The following PDE8A variants were observed in gnomAD, a reference collection of about 807,000 sequenced individuals.
PDE8A encodes the protein high affinity cAMP-specific and IBMX-insensitive 3',5'-cyclic phosphodiesterase 8A.
In PDE8A, 59 loss-of-function variants were observed where a neutral mutation model predicts 105.0. The ratio of observed to expected loss-of-function variants is 0.56; its 90% CI spans 0.46 to 0.70. The LOEUF is 0.70. Ranked by LOEUF, PDE8A falls within the 30% of genes least tolerant of loss-of-function variation. PDE8A has a pLI of 0.00. For missense variants in PDE8A, 1,014 were observed against 1,045.9 expected (o/e 0.97, Z 0.42); for synonymous variants, 355 against 371.9 (o/e 0.95, Z 0.52).
intron 3 of PDE8A, among the ~76,000 whole-genome samples, chr15:85,069,819 G>C (rs2081285413): frequency 6.6e-6 from 1 of 152,192 alleles, no homozygotes; most frequent in Admixed American, 6.5e-5. Flanking sequence ...CTCACAAGCT[G>C]TTTTCTACCA....
chr15:84,981,382 C>G (rs942037392), upstream of PDE8A, among the ~76,000 whole-genome samples: 6 of 151,560 alleles, frequency 4.0e-5, no homozygotes, highest in Non-Finnish European at 8.8e-5. Context: ...CGGCCCGGAT[C>G]ACGGAGCCGG....
At chr15:85,045,076 G>C (rs2080866377) in intron 1 of PDE8A, among the ~76,000 whole-genome samples, 1 of 152,044 alleles carries the variant, frequency 6.6e-6, no homozygotes. Flanking sequence ...CTGTTCCTCT[G>C]CCTGGTACTC....
intron 5 of PDE8A, among the ~76,000 whole-genome samples, chr15:85,077,365 A>G (rs2081394358): frequency 6.6e-6 from 1 of 152,246 alleles, no homozygotes; most frequent in Admixed American, 6.5e-5. Context: ...ATGAGGCCTT[A>G]GGAATCATAC....
chr15:85,052,068 C>T (rs1044294138), intron 1 of PDE8A, among the ~76,000 whole-genome samples: 2 of 151,744 alleles, frequency 1.3e-5, no homozygotes, highest in African/African-American at 2.4e-5. Flanking sequence ...TGAGAACATG[C>T]AGTGTTTGGT....
chr15:85,089,788 A>G (rs1005987461), intron 7 of PDE8A, among the ~76,000 whole-genome samples: 2 of 152,186 alleles, frequency 1.3e-5, no homozygotes, highest in Non-Finnish European at 2.9e-5. Flanking sequence ...CAAGTCTTTC[A>G]CCTTTCTCAC....
intron 1 of PDE8A, among the ~76,000 whole-genome samples, chr15:85,035,463 G>GC (rs1000827268): frequency 1.3e-5 from 2 of 151,998 alleles, no homozygotes; most frequent in African/African-American, 4.8e-5. Context: ...GCCCACCTCG[G>GC]CCTCCCTAAG....
At chr15:85,113,282 C>T in intron 12 of PDE8A, 95 bp from the exon 13 acceptor site, 1 of 1,001,832 alleles carries the variant, frequency 1.0e-6, no homozygotes, top group Non-Finnish European at 1.6e-6. Flanking sequence ...CTATCCTGCC[C>T]CTTCATCATG....
At chr15:85,088,619 A>T (rs2081591734) in intron 6 of PDE8A, among the ~76,000 whole-genome samples, 1 of 152,242 alleles carries the variant, frequency 6.6e-6, no homozygotes, top group Non-Finnish European at 1.5e-5. Flanking sequence ...TTTCCCAAAA[A>T]GGGGCTGCAC....
At chr15:85,008,203 C>G (rs1279316099) in intron 1 of PDE8A, among the ~76,000 whole-genome samples, 1 of 151,816 alleles carries the variant, frequency 6.6e-6, no homozygotes, top group Non-Finnish European at 1.5e-5. Context: ...GCAGAAAGTC[C>G]TATTCCAGGA....
intron 1 of PDE8A, among the ~76,000 whole-genome samples, chr15:85,012,641 A>G (rs1276380582): frequency 6.6e-6 from 1 of 151,920 alleles, no homozygotes; most frequent in African/African-American, 2.4e-5. Flanking sequence ...TGGCACATGT[A>G]TACATATGTA....
At chr15:85,080,769 A>T (rs930092967) in intron 5 of PDE8A, among the ~76,000 whole-genome samples, 1 of 152,212 alleles carries the variant, frequency 6.6e-6, no homozygotes, top group South Asian at 2.1e-4. Flanking sequence ...ACTGACACAC[A>T]CACTCTTGCT....
intron 6 of PDE8A, among the ~76,000 whole-genome samples, chr15:85,085,877 T>G (rs948845865): frequency 6.6e-6 from 1 of 151,214 alleles, no homozygotes; most frequent in Non-Finnish European, 1.5e-5. Context: ...CTGGGCGTGG[T>G]GGCGCATGCC....
At chr15:85,101,798 A>G (rs2081866603) in intron 11 of PDE8A, among the ~76,000 whole-genome samples, 1 of 152,220 alleles carries the variant, frequency 6.6e-6, no homozygotes, top group South Asian at 2.1e-4. Context: ...AGAGAAAAGC[A>G]AGAAAGTCCT....
intron 8 of PDE8A, among the ~76,000 whole-genome samples, chr15:85,095,066 T>A (rs1373826240): frequency 3.9e-5 from 6 of 152,226 alleles, no homozygotes; most frequent in Non-Finnish European, 1.5e-5. Context: ...TGATGATGAT[T>A]TAATTCTCAA....
chr15:84,987,878 TAAAA>T (rs1054579748), intron 1 of PDE8A, among the ~76,000 whole-genome samples: 1 of 151,846 alleles, frequency 6.6e-6, no homozygotes, highest in Non-Finnish European at 1.5e-5. Flanking sequence ...TAAAAAATTT[TAAAA>T]AAAAGAACAG....
At chr15:84,989,457 C>T (rs781681955) in intron 1 of PDE8A, among the ~76,000 whole-genome samples, 1 of 152,196 alleles carries the variant, frequency 6.6e-6, no homozygotes, top group African/African-American at 2.4e-5. Context: ...TAACCCAAAG[C>T]GCTGGTGGCA....
At chr15:85,017,422 A>G (rs145573771) in intron 1 of PDE8A, among the ~76,000 whole-genome samples, 2 of 152,012 alleles carry the variant, frequency 1.3e-5, no homozygotes, top group African/African-American at 4.8e-5. Flanking sequence ...CTCTTTTCCA[A>G]TTTTTAGACC....
chr15:85,022,264 C>T (rs1049143780), intron 1 of PDE8A, among the ~76,000 whole-genome samples: 2 of 152,116 alleles, frequency 1.3e-5, no homozygotes, highest in African/African-American at 2.4e-5. Context: ...CAGCATTGGT[C>T]CAAAGACATG....
chr15:85,050,774 G>T (rs1233134829), intron 1 of PDE8A, among the ~76,000 whole-genome samples: 1 of 152,052 alleles, frequency 6.6e-6, no homozygotes, highest in African/African-American at 2.4e-5. Flanking sequence ...TTCTTTTCAG[G>T]ATTGTTTTGG....
Sources: gnomAD v4.1 joint callset for allele counts (sites outside exome capture counted in the v4.1 genomes callset) on GRCh38, gnomAD v4.1.1 for gene constraint, MANE v1.5 for transcripts, NCBI Gene and HGNC (gene_info 2026-07-23, HGNC 2026-07-21) for gene names.